Variants in FRMD8 observed in about 807,000 individuals in gnomAD.
FRMD8 encodes the protein FERM domain-containing protein 8.
Under a neutral mutation model 54.2 loss-of-function variants are expected in FRMD8, and 37 were observed. The observed-to-expected ratio is 0.68, with a 90% CI of 0.53 to 0.90. The LOEUF (loss-of-function observed/expected upper bound fraction) is 0.90, where lower values mean the gene tolerates loss of function less well. FRMD8 is among the 40% of genes least tolerant of loss of function. The pLI, the probability that FRMD8 is intolerant of heterozygous loss-of-function variation, is 0.00. For synonymous variants in FRMD8, 246 were observed against 286.9 expected (o/e 0.86, Z 1.44); for missense variants, 585 against 653.7 (o/e 0.89, Z 1.15).
In FRMD8 at chr11:65,412,368, G is replaced by A. The variant is rs999725747; in HGVS notation, c.*1008G>A. Reference sequence around the variant, plus strand: ...ACCTCTGCTGTGCGCTCCTTCCCAGGTGGCGCCATGGATTCCTCTGGGGGC... The same window carrying A: ...ACCTCTGCTGTGCGCTCCTTCCCAGATGGCGCCATGGATTCCTCTGGGGGC... On this transcript the variant is annotated 3_prime_UTR_variant, in exon 11 of 11. Coordinates refer to ENST00000317568, the MANE Select transcript of FRMD8 (RefSeq NM_031904.5). 1.3e-5 allele frequency: 2 copies of A among 152,328 alleles called. No individual in the cohort carries two copies. The highest frequency in any genetic ancestry group is 1.3e-4 in the Admixed American group (2 of 15,288). 9.4% of individuals were successfully genotyped at this position (152,328 alleles called of 1,614,324 possible).
chr11:65,399,883 G>T (rs1423153045), intron 8 of FRMD8, 24 bp downstream of exon 8: 1 of 1,602,778 alleles, frequency 6.2e-7, no homozygotes, highest in South Asian at 1.1e-5. Flanking sequence ...CTCCTCCAGG[G>T]TGGAGAGGAT....
At chr11:65,386,592 G>A (rs1855734085), upstream of FRMD8, 1 of 170,228 alleles carries the variant, frequency 5.9e-6, no homozygotes, top group Non-Finnish European at 1.2e-5. Flanking sequence ...GGGTCGAAGG[G>A]GGCGGGGCCT....
rs1287313752 is a variant in FRMD8, at chr11:65,412,388, G to C, written c.*1028G>C. ...CCCAGGTGGCGCCATGGATTCCTCT[G>C]GGGGCTGGCGCATGCCCAGGAAAGC... is the stretch of plus-strand genomic sequence containing the variant. On this transcript the variant is annotated 3_prime_UTR_variant, in exon 11 of 11. Coordinates refer to ENST00000317568, the MANE Select transcript of FRMD8 (RefSeq NM_031904.5). The C allele has an allele frequency of 6.6e-6, 1 of 152,322 alleles. No homozygotes were observed. Among genetic ancestry groups the C allele is most frequent in the Non-Finnish European group, 1.5e-5 (1 of 68,126 alleles). 9.4% of individuals were successfully genotyped at this position (152,322 alleles called of 1,614,324 possible). A position where few individuals can be genotyped will look rare whatever the true frequency, so the allele number is the denominator to read the frequency against.
upstream of FRMD8, among the ~76,000 whole-genome samples, chr11:65,386,103 A>G (rs1026351331): frequency 1.3e-5 from 2 of 152,130 alleles, no homozygotes; most frequent in African/African-American, 4.8e-5. Flanking sequence ...GCCGACATAG[A>G]CATATATTAA....
intron 10 of FRMD8, 23 bp downstream of exon 10, chr11:65,405,091 T>G (rs1565612216): frequency 6.2e-7 from 1 of 1,609,100 alleles, no homozygotes; most frequent in African/African-American, 1.3e-5. Context: ...TCTGTGCATG[T>G]GCACACACAA....
chr11:65,389,928 G>T (rs1049004312), intron 3 of FRMD8, among the ~76,000 whole-genome samples: 27 of 152,206 alleles, frequency 1.8e-4, no homozygotes, highest in Non-Finnish European at 3.8e-4. Flanking sequence ...TCTTGCAGAT[G>T]GAAGTTGTAG....
chr11:65,385,663 GC>G, upstream of FRMD8, among the ~76,000 whole-genome samples: 1 of 152,102 alleles, frequency 6.6e-6, no homozygotes, highest in Non-Finnish European at 1.5e-5. Context: ...CCTCTTTGGG[GC>G]CCCAAGTCTC....
Position 65,400,716 on chromosome 11 carries a change from C to T in FRMD8, c.928-8C>T. ...GTCAAGCCTGGCTCTGTGTCTCCTG[C>T]TGGCCAGCATGTCCTGCTGGGCCTG... On this transcript the variant is annotated splice_region_variant and splice_polypyrimidine_tract_variant and intron_variant, in intron 8 of 10. Coordinates refer to ENST00000317568, the MANE Select transcript of FRMD8 (RefSeq NM_031904.5). The surrounding 1 kb of genome is among the most constrained non-coding windows in gnomAD (Gnocchi z 4.3). 2.5e-6 allele frequency: 4 copies of T among 1,574,324 alleles called. No homozygotes were observed. Among genetic ancestry groups the T allele is most frequent in the South Asian group, 1.2e-5 (1 of 84,740 alleles).
At chr11:65,411,104 G>C (rs1412481273) in intron 10 of FRMD8, 138 bp from the exon 11 acceptor site, 1 of 628,702 alleles carries the variant, frequency 1.6e-6, no homozygotes, top group Non-Finnish European at 2.7e-6. Flanking sequence ...CGGGGCTGAG[G>C]CTCGGATGAG....
chr11:65,407,745 A>C (rs1295387366), intron 10 of FRMD8, among the ~76,000 whole-genome samples: 2 of 151,922 alleles, frequency 1.3e-5, no homozygotes, highest in Non-Finnish European at 2.9e-5. Context: ...AAAAGAAAAA[A>C]AATTAGCCAG....
rs1204186582 is a variant in FRMD8 at position 65,400,795 on chromosome 11, C to G, written c.999C>G (p.Ile333Met). The part of the protein sequence containing the change: ...DHTSPEEEEP[I>M]LWLEFDGDSE... The stretch of plus-strand genomic sequence containing the variant: ...CCTCCCCCGAGGAGGAGGAGCCCAT[C>G]TTGTGGCTGGAGTTCGACGGGGACA... Residue 333 changes from isoleucine (I) to methionine (M), a missense_variant, in exon 9 of 11, where the codon ATC becomes ATG. Physicochemically the swap from Ile to Met is conservative, Grantham distance 10. Coordinates refer to ENST00000317568, the MANE Select transcript of FRMD8 (RefSeq NM_031904.5). This position sits in a 1 kb window ranked among gnomAD's most constrained non-coding sequence, Gnocchi z 4.3. 3.1e-6 allele frequency: 5 copies of G among 1,613,024 alleles called. No homozygotes were observed. The highest frequency in any genetic ancestry group is 1.1e-5 in the South Asian group (1 of 90,700).
rs1856139966 is a variant in FRMD8, at chr11:65,404,223, T to G, written c.1072-641T>G. ...CTTATCCCAGGCCTGCAGCAGTGCT[T>G]GGCACGTGGGAGGCACTCAGGAAAT... On this transcript the variant is annotated intron_variant, in intron 9 of 10. Transcript: ENST00000317568. The surrounding 1 kb of genome is among the most constrained non-coding windows in gnomAD (Gnocchi z 4.7). Among the ~76,000 whole-genome samples the G allele has an allele frequency of 6.6e-6, 1 of 152,170 alleles. No homozygotes were observed. The highest frequency in any genetic ancestry group is 1.5e-5 in the Non-Finnish European group (1 of 68,020).
At chr11:65,401,008 G>A (rs1004112629) in intron 9 of FRMD8, 141 bp downstream of exon 9, 3 of 957,540 alleles carry the variant, frequency 3.1e-6, no homozygotes, top group Non-Finnish European at 4.5e-6. Flanking sequence ...CTGGGCACAA[G>A]GGGTGCCTTG....
chr11:65,371,873 C>T, the FRMD8 span, among the ~76,000 whole-genome samples: 13 of 152,176 alleles, frequency 8.5e-5, no homozygotes, highest in South Asian at 2.7e-3. Flanking sequence ...CTTGGCCTCC[C>T]AAAGTGCTGA....
At chr11:65,405,817 A>G (rs1856183474) in intron 10 of FRMD8, among the ~76,000 whole-genome samples, 1 of 151,946 alleles carries the variant, frequency 6.6e-6, no homozygotes, top group Admixed American at 6.6e-5. Context: ...CCTGGACAAC[A>G]GAGTGAGACC....
intron 3 of FRMD8, among the ~76,000 whole-genome samples, chr11:65,391,200 C>T (rs1190451833): frequency 6.6e-6 from 1 of 152,250 alleles, no homozygotes; most frequent in African/African-American, 2.4e-5. Context: ...GGCTCCAGGG[C>T]CCTTCCGTCC....
At chr11:65,405,263 C>T (rs1856171105) in intron 10 of FRMD8, among the ~76,000 whole-genome samples, 195 bp downstream of exon 10, 1 of 152,212 alleles carries the variant, frequency 6.6e-6, no homozygotes, top group Non-Finnish European at 1.5e-5. Context: ...CTCACTGCTG[C>T]GTCACAGACG....
intron 8 of FRMD8, 137 bp downstream of exon 8, chr11:65,399,996 T>C: frequency 1.9e-6 from 2 of 1,044,050 alleles, no homozygotes; most frequent in African/African-American, 3.2e-5. Flanking sequence ...CTCCGTTGGA[T>C]GTCCTCGTAG....
At chr11:65,410,535 A>G (rs189013989) in intron 10 of FRMD8, among the ~76,000 whole-genome samples, 205 of 151,990 alleles carry the variant, frequency 1.3e-3, no homozygotes, top group Non-Finnish European at 2.6e-3. Flanking sequence ...TCACGCCTGT[A>G]ATCCCAGCAC....
Sources: gnomAD v4.1 joint callset for allele counts (sites outside exome capture counted in the v4.1 genomes callset) on GRCh38, gnomAD v4.1.1 for gene constraint, Gnocchi (gnomAD v3.1) non-coding constraint, MANE v1.5 for transcripts, NCBI Gene and HGNC (gene_info 2026-07-23, HGNC 2026-07-21) for gene names.